Variants in TRAPPC9 observed in about 807,000 individuals in gnomAD.
TRAPPC9 encodes the protein IKK2 binding protein.
TRAPPC9 carries 83 observed loss-of-function variants against 124.0 expected under a neutral mutation model. The observed-to-expected ratio is 0.67, with a 90% CI of 0.56 to 0.80. The LOEUF (loss-of-function observed/expected upper bound fraction) is 0.80, where lower values mean the gene tolerates loss of function less well. Ranked by LOEUF, TRAPPC9 falls within the 30% of genes least tolerant of loss-of-function variation. TRAPPC9 has a pLI of 0.00. For missense variants in TRAPPC9, 1,302 were observed against 1,508.3 expected (o/e 0.86, Z 2.27); for synonymous variants, 638 against 617.5 (o/e 1.03, Z -0.49).
At chr8:140,045,252 G>A (rs1181005792) in intron 17 of TRAPPC9, among the ~76,000 whole-genome samples, 1 of 152,186 alleles carries the variant, frequency 6.6e-6, no homozygotes, top group Non-Finnish European at 1.5e-5. Flanking sequence ...GCTTCCTTGC[G>A]TACACGAAGC....
At chr8:139,929,030 C>A (rs965955333) in intron 19 of TRAPPC9, among the ~76,000 whole-genome samples, 1 of 152,064 alleles carries the variant, frequency 6.6e-6, no homozygotes, top group Non-Finnish European at 1.5e-5. Context: ...GTGCTGTGCA[C>A]GCCAATGGCA....
intron 15 of TRAPPC9, among the ~76,000 whole-genome samples, chr8:140,253,716 G>A (rs1014244954): frequency 9.9e-5 from 15 of 151,902 alleles, no homozygotes; most frequent in East Asian, 1.9e-4. Flanking sequence ...AATTAAGGAC[G>A]GCACCTTGGG....
intron 19 of TRAPPC9, among the ~76,000 whole-genome samples, chr8:139,942,641 C>T (rs988424509): frequency 7.2e-5 from 11 of 152,106 alleles, no homozygotes; most frequent in Admixed American, 2.0e-4. Context: ...ATTCTGGACA[C>T]ATTTTTTTTT....
At chr8:140,361,991 C>A (rs542831705) in intron 8 of TRAPPC9, among the ~76,000 whole-genome samples, 1 of 152,176 alleles carries the variant, frequency 6.6e-6, no homozygotes, top group African/African-American at 2.4e-5. Context: ...CGCTCACAGC[C>A]CTTCCTGAGC....
intron 17 of TRAPPC9, among the ~76,000 whole-genome samples, chr8:140,126,578 T>C (rs570477457): frequency 6.6e-6 from 1 of 152,374 alleles, no homozygotes; most frequent in East Asian, 1.9e-4. Context: ...ACAATGATCC[T>C]GAAATTAAAT....
At chr8:139,978,201 C>T (rs1836617810) in intron 19 of TRAPPC9, among the ~76,000 whole-genome samples, 1 of 152,138 alleles carries the variant, frequency 6.6e-6, no homozygotes, top group South Asian at 2.1e-4. Flanking sequence ...AAGAGGACCA[C>T]AGGCACACAA....
At chr8:140,069,550 T>TTTGA (rs10676497) in intron 17 of TRAPPC9, among the ~76,000 whole-genome samples, 111,040 of 151,432 alleles carry the variant, frequency 0.73, 41,497 homozygotes, top group African/African-American at 0.89. Context: ...CTTAGACAAC[T>TTTGA]TTGTGGCCTG....
At chr8:139,925,636 T>G (rs981666065) in intron 19 of TRAPPC9, among the ~76,000 whole-genome samples, 18 of 151,508 alleles carry the variant, frequency 1.2e-4, no homozygotes, top group African/African-American at 4.4e-4. Flanking sequence ...TAATCCCAGC[T>G]ACTCAGGAGG....
At chr8:140,174,234 G>A (rs1190792760) in intron 17 of TRAPPC9, among the ~76,000 whole-genome samples, 1 of 152,088 alleles carries the variant, frequency 6.6e-6, no homozygotes, top group Non-Finnish European at 1.5e-5. Context: ...GATGGAGGGT[G>A]GGAGGAGGGA....
chr8:139,826,302 C>A lies in TRAPPC9; in HGVS notation c.3055+59577G>T, dbSNP rs188391831. Among the ~76,000 whole-genome samples, 817 of 152,296 alleles carry A rather than the reference C, an allele frequency of 5.4e-3. 9 individuals are homozygous for A. Among genetic ancestry groups the A allele is most frequent in the African/African-American group, 0.019 (779 of 41,538 alleles). On this transcript the variant is annotated intron_variant, in intron 21 of 22. Coordinates refer to ENST00000438773, the MANE Select transcript of TRAPPC9 (RefSeq NM_001160372.4). ...GGGGCGCTTCCAGAGGACTACACTG[C>A]AGGTGAAAAGAGGAGGGACGGAACA...
At chr8:139,781,706 CTGTGTGTGTT>C (rs1264306307) in intron 21 of TRAPPC9, among the ~76,000 whole-genome samples, 3 of 151,974 alleles carry the variant, frequency 2.0e-5, no homozygotes, top group African/African-American at 7.3e-5. Context: ...GTTTGAAAGG[CTGTGTGTGTT>C]TGTGTGTGTG....
At chr8:140,080,336 T>G (rs1242361501) in intron 17 of TRAPPC9, among the ~76,000 whole-genome samples, 2 of 152,232 alleles carry the variant, frequency 1.3e-5, no homozygotes, top group Non-Finnish European at 2.9e-5. Context: ...CTTGTCTTAG[T>G]CCATTTGGTG....
chr8:140,320,439 A>G (rs2066562188), intron 9 of TRAPPC9, among the ~76,000 whole-genome samples: 1 of 152,142 alleles, frequency 6.6e-6, no homozygotes. Context: ...CTTCCTTCCC[A>G]GACACAGGCT....
chr8:139,807,159 G>T (rs1378996588), intron 21 of TRAPPC9, among the ~76,000 whole-genome samples: 1 of 152,330 alleles, frequency 6.6e-6, no homozygotes, highest in African/African-American at 2.4e-5. Context: ...GATTTCCAGC[G>T]CAGAGAGCTG....
At chr8:140,406,993 C>T (rs760951092) in intron 5 of TRAPPC9, among the ~76,000 whole-genome samples, 2 of 152,222 alleles carry the variant, frequency 1.3e-5, no homozygotes, top group Non-Finnish European at 1.5e-5. Flanking sequence ...GGCACCCCTT[C>T]GAGCAGTGAG....
intron 5 of TRAPPC9, among the ~76,000 whole-genome samples, chr8:140,424,794 G>C (rs78258017): frequency 0.028 from 4,236 of 152,220 alleles, 121 homozygotes; most frequent in African/African-American, 0.072. Context: ...ATGAGAGATG[G>C]AGGAGCCCCC....
intron 17 of TRAPPC9, among the ~76,000 whole-genome samples, chr8:140,134,931 T>C (rs924260075): frequency 1.3e-5 from 2 of 151,936 alleles, no homozygotes; most frequent in East Asian, 1.9e-4. Context: ...CTGATAAGGG[T>C]TTAATATTCA....
chr8:140,115,685 A>C (rs1468799598), intron 17 of TRAPPC9, among the ~76,000 whole-genome samples: 1 of 152,204 alleles, frequency 6.6e-6, no homozygotes, highest in Non-Finnish European at 1.5e-5. Context: ...TGTAGAGTGA[A>C]TGCACAGAGC....
chr8:139,803,951 C>T (rs2130696856), intron 21 of TRAPPC9, among the ~76,000 whole-genome samples: 1 of 152,176 alleles, frequency 6.6e-6, no homozygotes, highest in Non-Finnish European at 1.5e-5. Context: ...AGATGGTCCC[C>T]AATCACCTTT....
Sources: allele counts gnomAD v4.1 joint callset (sites outside exome capture counted in the v4.1 genomes callset), GRCh38; gene constraint gnomAD v4.1.1; transcripts MANE v1.5; gene names NCBI Gene and HGNC (gene_info 2026-07-23, HGNC 2026-07-21).